The following GRIK2 variants were observed in gnomAD, a reference collection of about 807,000 sequenced individuals.
GRIK2 encodes the protein glutamate receptor ionotropic, kainate 2.
Under a neutral mutation model 100.3 loss-of-function variants are expected in GRIK2, and 32 were observed. That is an observed-to-expected ratio of 0.32 (90% CI 0.24 to 0.43). The LOEUF (loss-of-function observed/expected upper bound fraction) is 0.43, where lower values mean the gene tolerates loss of function less well. GRIK2 is among the 20% of genes least tolerant of loss of function. GRIK2 has a pLI of 1.00. For missense variants in GRIK2, 843 were observed against 1,114.9 expected, an observed-to-expected ratio of 0.76 and a Z score of 3.47; for synonymous variants, 417 against 389.4, an observed-to-expected ratio of 1.07 and a Z score of -0.83.
chr6:101,958,284 G>GTGTGT (rs758541113), intron 14 of GRIK2, among the ~76,000 whole-genome samples: 22 of 18,896 alleles, frequency 1.2e-3, no homozygotes, highest in Non-Finnish European at 3.0e-3. Flanking sequence ...TGTGTGTGTG[G>GTGTGT]GTCCATTGCA....
chr6:101,805,477 CAAAAAT>C (rs1780940492), intron 9 of GRIK2, among the ~76,000 whole-genome samples: 1 of 152,014 alleles, frequency 6.6e-6, no homozygotes, highest in Admixed American at 6.6e-5. Context: ...GACTGAGAGA[CAAAAAT>C]AAAGAAGGAA....
At position 101,615,908 on chromosome 6, in the gene GRIK2, G is replaced by A. The variant is rs148690169; in HGVS notation, c.116-6041G>A. Among the ~76,000 whole-genome samples the A allele has an allele frequency of 1.4e-3, 214 of 151,800 alleles. 1 individual carries two copies. In the East Asian group the frequency reaches 0.033, roughly 24 times the overall value. ...TCTTCCTCAGAGAATCAAATATAGA[G>A]AGCCTTATATTTCACTTTACAAAGA... On this transcript the variant is annotated intron_variant, in intron 2 of 16. Transcript: ENST00000369134.
chr6:101,463,464 G>A (rs1269627095), intron 2 of GRIK2, among the ~76,000 whole-genome samples: 1 of 152,090 alleles, frequency 6.6e-6, no homozygotes, highest in Non-Finnish European at 1.5e-5. Context: ...GAAATAGGAA[G>A]AATATAAATT....
At chr6:101,705,984 C>T (rs904950325) in intron 7 of GRIK2, among the ~76,000 whole-genome samples, 1 of 151,864 alleles carries the variant, frequency 6.6e-6, no homozygotes, top group Non-Finnish European at 1.5e-5. Context: ...TTGTCCTTAT[C>T]AAAATGTATG....
chr6:101,555,272 G>A (rs150159085), intron 2 of GRIK2, among the ~76,000 whole-genome samples: 332 of 152,280 alleles, frequency 2.2e-3, no homozygotes, highest in Middle Eastern at 6.8e-3. Flanking sequence ...ATGCAGAGGT[G>A]TGCTGTGCCG....
chr6:101,622,575 A>T (rs879015558), intron 3 of GRIK2, among the ~76,000 whole-genome samples: 2 of 152,058 alleles, frequency 1.3e-5, no homozygotes, highest in African/African-American at 4.8e-5. Flanking sequence ...TTGAAACTTA[A>T]TTGGAAAATT....
intron 14 of GRIK2, among the ~76,000 whole-genome samples, chr6:102,011,476 C>T (rs1372487355): frequency 6.6e-6 from 1 of 150,394 alleles, no homozygotes; most frequent in Non-Finnish European, 1.5e-5. Context: ...CCCAGTCTGT[C>T]ATGTCTTCTC....
intron 7 of GRIK2, among the ~76,000 whole-genome samples, chr6:101,732,232 T>C (rs1226161006): frequency 3.3e-5 from 5 of 152,068 alleles, no homozygotes; most frequent in Admixed American, 3.3e-4. Context: ...CTTGTCTTTG[T>C]TCTACAGATG....
At chr6:101,532,355 C>T (rs1486936003) in intron 2 of GRIK2, among the ~76,000 whole-genome samples, 2 of 151,902 alleles carry the variant, frequency 1.3e-5, no homozygotes, top group African/African-American at 4.8e-5. Context: ...TCTTATGTAC[C>T]TTTTGCCATG....
chr6:101,820,453 C>T (rs538388569), intron 10 of GRIK2, among the ~76,000 whole-genome samples: 1 of 150,954 alleles, frequency 6.6e-6, no homozygotes, highest in East Asian at 1.9e-4. Flanking sequence ...TTCTTCTCCT[C>T]CTCCTTCTTC....
At chr6:101,507,352 T>G (rs1774076459) in intron 2 of GRIK2, among the ~76,000 whole-genome samples, 1 of 152,130 alleles carries the variant, frequency 6.6e-6, no homozygotes, top group Non-Finnish European at 1.5e-5. Context: ...TATATCTATT[T>G]GTTGTATGTA....
At chr6:101,892,520 A>G (rs1562469073) in intron 12 of GRIK2, among the ~76,000 whole-genome samples, 1 of 151,394 alleles carries the variant, frequency 6.6e-6, no homozygotes, top group African/African-American at 2.4e-5. Context: ...CTAATGTACC[A>G]GTTTTTTTTT....
intron 11 of GRIK2, among the ~76,000 whole-genome samples, chr6:101,861,767 A>G (rs1784746953): frequency 6.6e-6 from 1 of 152,174 alleles, no homozygotes; most frequent in Non-Finnish European, 1.5e-5. Flanking sequence ...TTACACATAC[A>G]GGGGACAAAG....
chr6:101,790,467 T>A (rs1026664214), intron 7 of GRIK2, among the ~76,000 whole-genome samples: 96 of 151,552 alleles, frequency 6.3e-4, no homozygotes, highest in African/African-American at 2.2e-3. Flanking sequence ...GAGATAATCA[T>A]GTGGTTTTTG....
chr6:101,992,034 T>C (rs1224384532), intron 14 of GRIK2, among the ~76,000 whole-genome samples: 4 of 151,626 alleles, frequency 2.6e-5, no homozygotes, highest in Non-Finnish European at 4.4e-5. Flanking sequence ...GGGATGCCAT[T>C]TAGTGTTGGA....
chr6:101,604,432 T>C (rs1246200948), intron 2 of GRIK2, among the ~76,000 whole-genome samples: 5 of 151,850 alleles, frequency 3.3e-5, no homozygotes, highest in Non-Finnish European at 7.4e-5. Context: ...CCTAATTTAA[T>C]ACACATGAAA....
chr6:101,944,758 A>G (rs568244036), intron 14 of GRIK2, among the ~76,000 whole-genome samples: 1 of 152,220 alleles, frequency 6.6e-6, no homozygotes, highest in South Asian at 2.1e-4. Context: ...AAAGGTCAAT[A>G]AAAGTGATTT....
intron 9 of GRIK2, among the ~76,000 whole-genome samples, chr6:101,817,334 C>T (rs1781695193): frequency 6.6e-6 from 1 of 151,986 alleles, no homozygotes; most frequent in East Asian, 1.9e-4. Context: ...TAAATCAATG[C>T]CATTTTAAAA....
At chr6:101,874,237 A>G (rs146600159) in intron 11 of GRIK2, among the ~76,000 whole-genome samples, 26,680 of 151,972 alleles carry the variant, frequency 0.18, 2,926 homozygotes, top group East Asian at 0.3. Flanking sequence ...TAGGTCTAAC[A>G]TTTAAGTCTT....
Sources: gnomAD v4.1 joint callset for allele counts (sites outside exome capture counted in the v4.1 genomes callset) on GRCh38, gnomAD v4.1.1 for gene constraint, MANE v1.5 for transcripts, NCBI Gene and HGNC (gene_info 2026-07-23, HGNC 2026-07-21) for gene names.